Variants in GRB2 observed in about 807,000 individuals in gnomAD.
The protein encoded by GRB2 is growth factor receptor-bound protein 2.
GRB2 carries 2 observed loss-of-function variants against 27.4 expected under a neutral mutation model. That is an observed-to-expected ratio of 0.07 (90% CI 0.03 to 0.23). GRB2 has a LOEUF of 0.23. Ranked by LOEUF, GRB2 falls within the 10% of genes least tolerant of loss-of-function variation. GRB2 has a pLI of 1.00. For missense variants in GRB2, 102 were observed against 282.4 expected (o/e 0.36, Z 4.58); for synonymous variants, 94 against 99.6 (o/e 0.94, Z 0.33).
intron 2 of GRB2, among the ~76,000 whole-genome samples, chr17:75,354,744 G>C (rs2078719863): frequency 1.3e-5 from 2 of 152,122 alleles, no homozygotes; most frequent in African/African-American, 4.8e-5. Flanking sequence ...TCCAGAAAGA[G>C]AACAGTGAAA....
intron 2 of GRB2, among the ~76,000 whole-genome samples, chr17:75,353,255 C>T (rs926210714): frequency 5.9e-5 from 9 of 151,688 alleles, no homozygotes; most frequent in Admixed American, 5.9e-4. Flanking sequence ...CCTGCATATA[C>T]CCAAATCTGT....
In GRB2 at chr17:75,332,692, T is replaced by C. The variant is rs1529844; in HGVS notation, c.176+8A>G. 1 allele frequency: 1,554,184 copies of C among 1,557,002 alleles called. 775,726 individuals are homozygous for C. Among genetic ancestry groups the C allele is most frequent in the East Asian group, 1 (44,506 of 44,506 alleles). ...CAACCCTTCCAAGACTAATGGAGCT[T>C]AACTTACGGATGTGGTTTCATTTCT... On this transcript the variant is annotated splice_region_variant and intron_variant, in intron 3 of 5. Transcript: ENST00000316804.
chr17:75,331,066 C>T (rs1397032298), intron 3 of GRB2, among the ~76,000 whole-genome samples: 1 of 152,158 alleles, frequency 6.6e-6, no homozygotes, highest in Non-Finnish European at 1.5e-5. Context: ...GAGGAGAAGG[C>T]CTGGTACTGA....
intron 4 of GRB2, among the ~76,000 whole-genome samples, chr17:75,323,835 A>C (rs574620541): frequency 1.3e-5 from 2 of 148,560 alleles, no homozygotes; most frequent in African/African-American, 2.5e-5. Flanking sequence ...AGATGGATGG[A>C]GTCTTGCTCT....
At chr17:75,376,118 G>A (rs927286731) in intron 2 of GRB2, among the ~76,000 whole-genome samples, 1 of 151,412 alleles carries the variant, frequency 6.6e-6, no homozygotes, top group Non-Finnish European at 1.5e-5. Flanking sequence ...CAAGGCAGGC[G>A]GATTGGCTGA....
intron 2 of GRB2, among the ~76,000 whole-genome samples, chr17:75,336,713 T>C (rs4789170): frequency 0.6 from 90,617 of 152,100 alleles, 32,368 homozygotes; most frequent in East Asian, 0.87. Context: ...AAGGAAAATA[T>C]GGAATTAATG....
chr17:75,334,560 G>A (rs1361661410), intron 2 of GRB2, among the ~76,000 whole-genome samples: 1 of 152,006 alleles, frequency 6.6e-6, no homozygotes, highest in Non-Finnish European at 1.5e-5. Context: ...GATTACAGGT[G>A]TGAGCCACCA....
intron 3 of GRB2, among the ~76,000 whole-genome samples, chr17:75,329,472 A>G (rs1256673586): frequency 6.6e-6 from 1 of 151,004 alleles, no homozygotes; most frequent in Non-Finnish European, 1.5e-5. Flanking sequence ...ACGCAATTTT[A>G]TTTTCAATTA....
In GRB2 at chr17:75,324,507, G is replaced by GTT. The variant is rs767194304; in HGVS notation, c.299+1389_299+1390dup. Among the ~76,000 whole-genome samples the GTT allele has an allele frequency of 4.3e-3, 157 of 36,696 alleles. 18 individuals are homozygous for GTT. The highest frequency in any genetic ancestry group is 0.01 in the African/African-American group (127 of 12,206). The allele number at this position is 36,696 out of a possible 152,430, so 24.1% of individuals were successfully genotyped here. A position where few individuals can be genotyped will look rare whatever the true frequency, so the allele number is the denominator to read the frequency against. On this transcript the variant is annotated intron_variant, in intron 4 of 5. Transcript: ENST00000316804. ...TTACAGGTGTGAGCCACCGCACCCAGTTTTTTTTTTTTTTTTTTTTTTTTT... is the reference window on the plus strand; with the variant it reads ...TTACAGGTGTGAGCCACCGCACCCAGTTTTTTTTTTTTTTTTTTTTTTTTTTT...
chr17:75,353,912 T>C (rs945319791), intron 2 of GRB2, among the ~76,000 whole-genome samples: 3 of 151,778 alleles, frequency 2.0e-5, no homozygotes, highest in Admixed American at 6.6e-5. Flanking sequence ...TGGTGGTGCA[T>C]GCCTGTAATC....
intron 2 of GRB2, among the ~76,000 whole-genome samples, chr17:75,356,730 C>T (rs2078736219): frequency 6.6e-6 from 1 of 152,166 alleles, no homozygotes; most frequent in African/African-American, 2.4e-5. Context: ...GGTCAATTCC[C>T]TGCCCTCATC....
At chr17:75,331,393 C>A (rs529403640) in intron 3 of GRB2, among the ~76,000 whole-genome samples, 1 of 152,260 alleles carries the variant, frequency 6.6e-6, no homozygotes, top group Non-Finnish European at 1.5e-5. Context: ...CCCAGTCAGC[C>A]TGGCAGTAAC....
At chr17:75,370,585 G>A (rs1252377086) in intron 2 of GRB2, among the ~76,000 whole-genome samples, 3 of 152,162 alleles carry the variant, frequency 2.0e-5, no homozygotes, top group Non-Finnish European at 2.9e-5. Flanking sequence ...AAGTGTTCTG[G>A]CAAAGCTTGA....
At chr17:75,386,963 C>A (rs2078967856) in intron 2 of GRB2, among the ~76,000 whole-genome samples, 1 of 94,600 alleles carries the variant, frequency 1.1e-5, no homozygotes, top group South Asian at 3.7e-4. Context: ...ATCACGAGGT[C>A]AGAGGATAGA....
intron 2 of GRB2, among the ~76,000 whole-genome samples, chr17:75,349,243 T>C (rs1186521404): frequency 2.6e-5 from 4 of 152,214 alleles, no homozygotes; most frequent in African/African-American, 9.6e-5. Flanking sequence ...GGAGCTGTCA[T>C]ATGTTTCAAT....
intron 2 of GRB2, among the ~76,000 whole-genome samples, chr17:75,359,735 GT>G (rs1392019533): frequency 1.3e-5 from 2 of 151,996 alleles, no homozygotes; most frequent in Non-Finnish European, 2.9e-5. Flanking sequence ...ACTTGTATAT[GT>G]TGTTCTCTCT....
intron 2 of GRB2, among the ~76,000 whole-genome samples, chr17:75,370,657 A>G (rs1009656525): frequency 1.3e-5 from 2 of 152,226 alleles, no homozygotes; most frequent in Non-Finnish European, 2.9e-5. Context: ...AACTCAAGAG[A>G]GCCATCTGAT....
intron 2 of GRB2, among the ~76,000 whole-genome samples, chr17:75,370,264 A>T (rs2145854436): frequency 6.6e-6 from 1 of 152,330 alleles, no homozygotes; most frequent in South Asian, 2.1e-4. Flanking sequence ...TGTTGACTGA[A>T]ACCCACTATT....
At chr17:75,356,694 A>C (rs1250540021) in intron 2 of GRB2, among the ~76,000 whole-genome samples, 1 of 152,210 alleles carries the variant, frequency 6.6e-6, no homozygotes, top group African/African-American at 2.4e-5. Context: ...CAAGGTCACC[A>C]ATCAGCTCCT....
Sources: allele counts gnomAD v4.1 joint callset (sites outside exome capture counted in the v4.1 genomes callset), GRCh38; gene constraint gnomAD v4.1.1; transcripts MANE v1.5; gene names NCBI Gene and HGNC (gene_info 2026-07-23, HGNC 2026-07-21).